The following KLC3 variants were observed in gnomAD, a reference collection of about 807,000 sequenced individuals.
KLC3 encodes kinesin light chain 2.
In KLC3, 72 loss-of-function variants were observed where a neutral mutation model predicts 62.9. That is an observed-to-expected ratio of 1.15 (90% CI 0.95 to 1.39). KLC3 has a LOEUF of 1.39. KLC3 is among the 40% of genes most tolerant of loss of function. The pLI, the probability that KLC3 is intolerant of heterozygous loss-of-function variation, is 0.00. For synonymous variants in KLC3, 377 were observed against 300.5 expected, an observed-to-expected ratio of 1.25 and a Z score of -2.63; for missense variants, 848 against 691.6, an observed-to-expected ratio of 1.23 and a Z score of -2.54.
In KLC3 at chr19:45,350,624, C is replaced by A; in HGVS notation, c.1273-17C>A. On this transcript the variant is annotated splice_polypyrimidine_tract_variant and intron_variant, in intron 10 of 12. Coordinates refer to ENST00000391946, the MANE Select transcript of KLC3 (RefSeq NM_177417.3). ...ATGGGCCTGGGGGACTGAGCAGCAT[C>A]CCCGGCCCCTCCCCAGGCCCTTCGC... The A allele has an allele frequency of 1.2e-6, 2 of 1,613,064 alleles. No individual in the cohort carries two copies. The highest frequency in any genetic ancestry group is 2.2e-5 in the South Asian group (2 of 91,032).
Position 45,351,512 on chromosome 19 carries a change from G to C in KLC3, c.*155G>C. Reference sequence around the variant, plus strand: ...TCCTGCGATTAAAGGCTGTGGACGTGACAGTGAGAAATGTCACCTGACTTC... The same window carrying C: ...TCCTGCGATTAAAGGCTGTGGACGTCACAGTGAGAAATGTCACCTGACTTC... On this transcript the variant is annotated 3_prime_UTR_variant, in exon 13 of 13. Transcript: ENST00000391946. 1 of 1,599,508 alleles carries C rather than the reference G, an allele frequency of 6.3e-7. No individual in the cohort carries two copies. Among genetic ancestry groups the C allele is most frequent in the South Asian group, 1.1e-5 (1 of 90,768 alleles).
At chr19:45,346,842 C>T (rs550591571) in intron 3 of KLC3, 68 bp downstream of exon 3, 10 of 1,383,182 alleles carry the variant, frequency 7.2e-6, no homozygotes, top group South Asian at 1.3e-5. Flanking sequence ...CCCAGACCCT[C>T]CTTAGAATCC....
intron 1 of KLC3, chr19:45,345,181 T>G: frequency 1.6e-5 from 7 of 434,252 alleles, no homozygotes; most frequent in South Asian, 3.8e-5. Flanking sequence ...GGCCTTGGGG[T>G]GGGGAAGGCT....
rs780972785 is a variant in KLC3 at position 45,351,347 on chromosome 19, G to A, written c.1505G>A (p.Ser502Asn). The A allele has an allele frequency of 2.5e-6, 4 of 1,611,326 alleles. No homozygotes were observed. The highest frequency in any genetic ancestry group is 2.2e-5 in the South Asian group (2 of 91,066). ...CTCAGCGCCAGCACCCAGGACCTGA[G>A]CCCCCACTAACGTCCAGTGAACTGC... is the stretch of plus-strand genomic sequence containing the variant. ...RTLSASTQDLSPH is the reference protein window; with the variant it reads ...RTLSASTQDLNPH The change falls in exon 13 of 13, where the codon AGC (serine) becomes AAC (asparagine). Residue 502 changes from serine (S) to asparagine (N), a missense_variant. Physicochemically the swap from Ser to Asn is conservative, Grantham distance 46. Coordinates refer to ENST00000391946, the MANE Select transcript of KLC3 (RefSeq NM_177417.3).
chr19:45,351,144 G>T (rs1280159990), intron 12 of KLC3, 127 bp downstream of exon 12: 3 of 1,596,814 alleles, frequency 1.9e-6, no homozygotes, highest in African/African-American at 2.7e-5. Flanking sequence ...AAGAGACCCA[G>T]GACAGGAGCA....
In KLC3 at chr19:45,344,557, G is replaced by C. The variant is rs550467304; in HGVS notation, c.-8-977G>C. Among the ~76,000 whole-genome samples the C allele has an allele frequency of 9.9e-5, 15 of 152,202 alleles. No individual in the cohort carries two copies. In the South Asian group the frequency reaches 2.9e-3, roughly 29 times the overall value. On this transcript the variant is annotated intron_variant, in intron 1 of 12. Coordinates refer to ENST00000391946, the MANE Select transcript of KLC3 (RefSeq NM_177417.3). ...GAGAGAAGGGAGAGTGCGTGTGTGT[G>C]TCAAATTGTATTTCGGAGAGGAAAA...
intron 1 of KLC3, chr19:45,345,149 G>A (rs1971462639): frequency 2.6e-6 from 1 of 384,598 alleles, no homozygotes; most frequent in Admixed American, 4.3e-5. Flanking sequence ...CCAACCGGGA[G>A]CTCTGGGCCA....
Position 45,350,621 on chromosome 19 carries a change from C to G in KLC3, c.1273-20C>G, listed in dbSNP as rs545300346. ...TGCATGGGCCTGGGGGACTGAGCAGCATCCCCGGCCCCTCCCCAGGCCCTT... is the reference window on the plus strand; with the variant it reads ...TGCATGGGCCTGGGGGACTGAGCAGGATCCCCGGCCCCTCCCCAGGCCCTT... On this transcript the variant is annotated intron_variant, in intron 10 of 12. Transcript: ENST00000391946. The G allele has an allele frequency of 3.1e-6, 5 of 1,612,592 alleles. No individual in the cohort carries two copies. Among genetic ancestry groups the G allele is most frequent in the Non-Finnish European group, 4.2e-6 (5 of 1,178,784 alleles).
intron 1 of KLC3, among the ~76,000 whole-genome samples, chr19:45,342,466 T>TA (rs1971413879): frequency 1.3e-5 from 2 of 151,764 alleles, no homozygotes; most frequent in South Asian, 4.2e-4. Flanking sequence ...TTTTAAAAAT[T>TA]AAAAAAAGGT....
chr19:45,351,310 GC>G lies in KLC3; in HGVS notation c.1472del (p.Pro491LeufsTer11). The G allele has an allele frequency of 6.2e-7, 1 of 1,612,476 alleles. No homozygotes were observed. On this transcript the variant is annotated frameshift_variant, in exon 13 of 13. Transcript: ENST00000391946. LOFTEE classifies it high-confidence loss of function. ...TQFPSWHLDK[A>X]PRTLSASTQD... ...GTTTCCCAGCTGGCACCTGGACAAG[GC>G]CCCTCGGACCCTCAGCGCCAGCACC...
rs1446621308 is a variant in KLC3, at chr19:45,349,427, A to AG, written c.970dup. ...CTCTGACTTGTGACCCCTGGCCCCC[A>AG]GGTCCTGGGTGCTGACCACCCAGAT... is the stretch of plus-strand genomic sequence containing the variant. On this transcript the variant is annotated splice_acceptor_variant, in intron 7 of 12. Transcript: ENST00000391946. LOFTEE classifies it high-confidence loss of function. The AG allele has an allele frequency of 1.3e-6, 2 of 1,599,736 alleles. No homozygotes were observed. Among genetic ancestry groups the AG allele is most frequent in the East Asian group, 4.5e-5 (2 of 44,570 alleles).
At chr19:45,347,859 G>T (rs1344252369) in intron 4 of KLC3, 82 bp from the exon 5 acceptor site, 1 of 1,199,368 alleles carries the variant, frequency 8.3e-7, no homozygotes, top group African/African-American at 1.5e-5. Context: ...CAGTCCGGCA[G>T]TTCTGAGGCA....
At chr19:45,343,050 G>A (rs980179753) in intron 1 of KLC3, among the ~76,000 whole-genome samples, 1 of 152,194 alleles carries the variant, frequency 6.6e-6, no homozygotes, top group African/African-American at 2.4e-5. Flanking sequence ...GTACTTGTGT[G>A]TGCATGGCGT....
At chr19:45,345,362 G>C in intron 1 of KLC3, 172 bp from the exon 2 acceptor site, 1 of 791,252 alleles carries the variant, frequency 1.3e-6, no homozygotes, top group Non-Finnish European at 2.1e-6. Flanking sequence ...TGGGTGTGGA[G>C]ACTGGGATGG....
At position 45,347,482 on chromosome 19, in the gene KLC3, C is replaced by G. The variant is rs763459628; in HGVS notation, c.525C>G (p.Ala175=). Residue 175 remains alanine (A), a synonymous_variant, in exon 4 of 13, where the codon GCC becomes GCG. Transcript: ENST00000391946. ...CCCCGCCTCGCCGAGACAGCCTGGC[C>G]TCCCTGTTCCCCAGCGAGGAGGAGG... The part of the protein sequence containing the change: ...SESPPRRDSL[A]SLFPSEEEER... 6.2e-7 allele frequency: 1 copy of G among 1,612,938 alleles called. No homozygotes were observed. Among genetic ancestry groups the G allele is most frequent in the Non-Finnish European group, 8.5e-7 (1 of 1,179,442 alleles).
Position 45,348,156 on chromosome 19 carries a change from T to C in KLC3, c.775T>C (p.Tyr259His). The C allele has an allele frequency of 1.3e-6, 2 of 1,585,916 alleles. No homozygotes were observed. Among genetic ancestry groups the C allele is most frequent in the Non-Finnish European group, 1.7e-6 (2 of 1,165,076 alleles). Reference protein sequence around the residue: ...ATMLNILALVYRDQNKYKEAT... With the variant: ...ATMLNILALVHRDQNKYKEAT... The stretch of plus-strand genomic sequence containing the variant: ...CATGCTCAACATCCTGGCGCTGGTG[T>C]ACCGGTGAGCACTGCGGCCAGCCAT... Residue 259 changes from tyrosine to histidine, a missense_variant, in exon 5 of 13, where the codon TAC (tyrosine) becomes CAC (histidine). Physicochemically the swap from Tyr to His is moderately conservative, Grantham distance 83. Coordinates refer to ENST00000391946, the MANE Select transcript of KLC3 (RefSeq NM_177417.3).
At chr19:45,350,926 C>CATTT (rs770140792) in intron 11 of KLC3, 28 bp from the exon 12 acceptor site, 2 of 1,610,972 alleles carry the variant, frequency 1.2e-6, no homozygotes, top group Non-Finnish European at 1.7e-6. Flanking sequence ...TGGATTCACT[C>CATTT]ATTTCCTCCC....
intron 12 of KLC3, 31 bp from the exon 13 acceptor site, chr19:45,351,253 TCC>T (rs34454606): frequency 6.2e-7 from 1 of 1,600,152 alleles, no homozygotes. Context: ...GCCCCTCACC[TCC>T]CCTCCAACCA....
rs762568700 is a variant in KLC3 at position 45,350,865 on chromosome 19, C to G, written c.1380-89C>G. 3.4e-5 allele frequency: 48 copies of G among 1,427,844 alleles called. No individual in the cohort carries two copies. The South Asian group carries it at 3.7e-4, about 11-fold the overall frequency. 88.4% of individuals were successfully genotyped at this position (1,427,844 alleles called of 1,614,324 possible). On this transcript the variant is annotated intron_variant, in intron 11 of 12. Transcript: ENST00000391946. ...TGGCTCCCATCTCCCCTGTGATACA[C>G]ACAGATCAAACCCTGTGCTGGAAAG... is the stretch of plus-strand genomic sequence containing the variant.
Sources: allele counts gnomAD v4.1 joint callset (sites outside exome capture counted in the v4.1 genomes callset), GRCh38; gene constraint gnomAD v4.1.1; transcripts MANE v1.5; gene names NCBI Gene and HGNC (gene_info 2026-07-23, HGNC 2026-07-21).